Variants in PADI2 observed in about 807,000 individuals in gnomAD.
PADI2 encodes protein-arginine deiminase type-2.
Under a neutral mutation model 81.1 loss-of-function variants are expected in PADI2, and 70 were observed. The ratio of observed to expected loss-of-function variants is 0.86; its 90% CI spans 0.71 to 1.05. The LOEUF is 1.05. Among genes scored for constraint, PADI2 ranks in the 50% least tolerant of loss-of-function variants. The pLI is 0.00. For missense variants in PADI2, 853 were observed against 889.9 expected (o/e 0.96, Z 0.53); for synonymous variants, 338 against 358.0 (o/e 0.94, Z 0.63).
intron 5 of PADI2, 59 bp from the exon 6 acceptor site, chr1:17,092,592 A>C (rs1414591461): frequency 1.4e-6 from 2 of 1,458,622 alleles, no homozygotes; most frequent in Non-Finnish European, 1.8e-6. Context: ...TCAGCTTCCC[A>C]ATGCCTTTTA....
chr1:17,107,831 C>A (rs184011658), intron 1 of PADI2, among the ~76,000 whole-genome samples: 1 of 152,164 alleles, frequency 6.6e-6, no homozygotes. Context: ...AATGAAGACA[C>A]CCCAAGGTCA....
At position 17,083,836 on chromosome 1, in the gene PADI2, T is replaced by A. The variant is rs376934184; in HGVS notation, c.940A>T (p.Met314Leu). ...TTCAGGAACAGGTAATTATCCTTCATGCTGAGAAGTTGGGGGAAGAAGGAG... is the reference window on the plus strand; with the variant it reads ...TTCAGGAACAGGTAATTATCCTTCAAGCTGAGAAGTTGGGGGAAGAAGGAG... ...LPPVSVFVCCMKDNYLFLKEV... is the reference protein window; with the variant it reads ...LPPVSVFVCCLKDNYLFLKEV... The change falls in exon 9 of 16, where the codon ATG (methionine) becomes TTG (leucine). Residue 314 changes from methionine to leucine, a missense_variant and splice_region_variant. Transcript: ENST00000375486. 1.0e-5 allele frequency: 16 copies of A among 1,593,964 alleles called. No individual in the cohort carries two copies. Among genetic ancestry groups the A allele is most frequent in the Non-Finnish European group, 1.4e-5 (16 of 1,161,778 alleles).
intron 1 of PADI2, among the ~76,000 whole-genome samples, chr1:17,109,440 C>G (rs1474125436): frequency 1.4e-5 from 2 of 146,744 alleles, no homozygotes; most frequent in Admixed American, 1.4e-4. Context: ...CCACTGGATT[C>G]CTGCCACTCC....
At chr1:17,070,575 CG>C (rs1189424127) in intron 14 of PADI2, among the ~76,000 whole-genome samples, 4 of 152,214 alleles carry the variant, frequency 2.6e-5, no homozygotes, top group African/African-American at 9.6e-5. Context: ...AAAGCTAATG[CG>C]TACATGTGCT....
intron 1 of PADI2, among the ~76,000 whole-genome samples, chr1:17,110,834 T>C (rs1931551633): frequency 6.6e-6 from 1 of 152,078 alleles, no homozygotes. Flanking sequence ...GTTCACTCCT[T>C]GAAGGTAGGG....
At position 17,069,140 on chromosome 1, in the gene PADI2, G is replaced by A. The variant is rs1190122298; in HGVS notation, c.1902C>T (p.Asp634=). The A allele has an allele frequency of 1.9e-6, 3 of 1,614,184 alleles. No homozygotes were observed. Among genetic ancestry groups the A allele is most frequent in the Admixed American group, 3.3e-5 (2 of 60,030 alleles). ...CCAGAAATTTGTGGTAGGCAGAAAT[G>A]TCGTCGATGAAGGTGCATTCGAGGC... ...PLGLECTFID[D]ISAYHKFLGE... Residue 634 remains aspartate (D), a synonymous_variant, in exon 16 of 16, where the codon GAC becomes GAT. Transcript: ENST00000375486.
chr1:17,117,765 G>C (rs1327841677), intron 1 of PADI2, among the ~76,000 whole-genome samples: 1 of 152,234 alleles, frequency 6.6e-6, no homozygotes, highest in Non-Finnish European at 1.5e-5. Context: ...CAAATAAACA[G>C]GTGGGTATGG....
At chr1:17,107,039 G>A (rs2101608202) in intron 1 of PADI2, among the ~76,000 whole-genome samples, 1 of 152,310 alleles carries the variant, frequency 6.6e-6, no homozygotes, top group Admixed American at 6.5e-5. Context: ...GAGGTGACAG[G>A]AAGGACAGGG....
intron 1 of PADI2, among the ~76,000 whole-genome samples, chr1:17,108,790 TAA>T (rs1167601546): frequency 6.6e-6 from 1 of 152,192 alleles, no homozygotes; most frequent in African/African-American, 2.4e-5. Flanking sequence ...CTGTTTAAAA[TAA>T]AGTTATTAAG....
In PADI2 at chr1:17,069,078, G is replaced by A. The variant is rs2078245611; in HGVS notation, c.1964C>T (p.Pro655Leu). 6.2e-7 allele frequency: 1 copy of A among 1,614,194 alleles called. No homozygotes were observed. The highest frequency in any genetic ancestry group is 8.5e-7 in the Non-Finnish European group (1 of 1,180,018). Reference sequence around the variant, plus strand: ...CATGTGCCACCACTTGAAGGTGAAGGGCTTCCTGCGGACGTTGGTGCCACA... The same window carrying A: ...CATGTGCCACCACTTGAAGGTGAAGAGCTTCCTGCGGACGTTGGTGCCACA... ...VHCGTNVRRK[P>L]FTFKWWHMVP Residue 655 changes from proline to leucine, a missense_variant, in exon 16 of 16, where the codon CCC becomes CTC. Transcript: ENST00000375486.
intron 6 of PADI2, among the ~76,000 whole-genome samples, chr1:17,088,838 C>A (rs1019180931): frequency 1.9e-4 from 26 of 135,722 alleles, no homozygotes; most frequent in African/African-American, 7.2e-4. Flanking sequence ...ACCCAGGAGG[C>A]AGAGATTGTG....
chr1:17,092,307 G>T, intron 6 of PADI2, 101 bp downstream of exon 6: 1 of 960,076 alleles, frequency 1.0e-6, no homozygotes, highest in Non-Finnish European at 1.6e-6. Context: ...GACCAATCCA[G>T]GTCTTCCCCA....
intron 10 of PADI2, among the ~76,000 whole-genome samples, chr1:17,082,000 C>T (rs898118590): frequency 1.4e-4 from 21 of 152,154 alleles, no homozygotes; most frequent in African/African-American, 5.1e-4. Context: ...GTAATCCCAG[C>T]TACTTGGGAG....
chr1:17,104,288 T>TCAAA (rs1300083864), intron 2 of PADI2, among the ~76,000 whole-genome samples: 10 of 151,618 alleles, frequency 6.6e-5, no homozygotes, highest in East Asian at 1.9e-4. Context: ...AGACTCCGTC[T>TCAAA]CAAACAAACA....
chr1:17,110,753 G>A lies in PADI2; in HGVS notation c.93-5692C>T, dbSNP rs149760074. 5.9e-3 allele frequency among the ~76,000 whole-genome samples: 901 copies of A among 152,286 alleles called. 6 individuals carry two copies. Among genetic ancestry groups the A allele is most frequent in the Middle Eastern group, 0.027 (8 of 294 alleles). ...AGACTTTCCCCTGACTTCTCTGCCT[G>A]GCAAATGTCCATCTCTCCTTGAAGA... On this transcript the variant is annotated intron_variant, in intron 1 of 15. Coordinates refer to ENST00000375486, the MANE Select transcript of PADI2 (RefSeq NM_007365.3).
At chr1:17,078,126 T>G (rs1229222166) in intron 11 of PADI2, among the ~76,000 whole-genome samples, 1 of 152,228 alleles carries the variant, frequency 6.6e-6, no homozygotes, top group Non-Finnish European at 1.5e-5. Flanking sequence ...TATTTTGTTT[T>G]TTGAGACGCA....
In PADI2 at chr1:17,104,996, A is replaced by G; in HGVS notation, c.158T>C (p.Val53Ala). 2 of 1,609,808 alleles carry G rather than the reference A, an allele frequency of 1.2e-6. No individual in the cohort carries two copies. Among genetic ancestry groups the G allele is most frequent in the Non-Finnish European group, 1.7e-6 (2 of 1,178,418 alleles). The part of the protein sequence containing the change: ...KHSEHVWVEV[V>A]RDGEAEEVAT... Reference sequence around the variant, plus strand: ...CACCTCCTCAGCCTCCCCATCACGCACCACCTCCACCCACACGTGTTCCGA... The same window carrying G: ...CACCTCCTCAGCCTCCCCATCACGCGCCACCTCCACCCACACGTGTTCCGA... The change falls in exon 2 of 16, where the codon GTG becomes GCG. Residue 53 changes from valine to alanine, a missense_variant. By Grantham distance (64) the Val-to-Ala change is moderately conservative. Coordinates refer to ENST00000375486, the MANE Select transcript of PADI2 (RefSeq NM_007365.3).
intron 3 of PADI2, among the ~76,000 whole-genome samples, chr1:17,097,120 C>T (rs1037317783): frequency 6.6e-6 from 1 of 152,160 alleles, no homozygotes; most frequent in Admixed American, 6.5e-5. Flanking sequence ...TGTGCCCGTT[C>T]CAGGTCCCCA....
At chr1:17,104,112 C>T (rs1569581630) in intron 2 of PADI2, among the ~76,000 whole-genome samples, 1 of 139,928 alleles carries the variant, frequency 7.1e-6, no homozygotes, top group Non-Finnish European at 1.5e-5. Context: ...GAAACCCCAT[C>T]TCTACTAAAA....
Sources: allele counts gnomAD v4.1 joint callset (sites outside exome capture counted in the v4.1 genomes callset), GRCh38; gene constraint gnomAD v4.1.1; transcripts MANE v1.5; gene names NCBI Gene and HGNC (gene_info 2026-07-23, HGNC 2026-07-21).